EIF4G3: variants seen among roughly 807,000 people sequenced by gnomAD.
The protein encoded by EIF4G3 is eukaryotic translation initiation factor 4 gamma 3, also known as eIF-4-gamma 3.
In EIF4G3, 34 loss-of-function variants were observed where a neutral mutation model predicts 186.4. The observed-to-expected ratio is 0.18, with a 90% confidence interval of 0.14 to 0.24. EIF4G3 has a LOEUF of 0.24. EIF4G3 is among the 10% of genes least tolerant of loss of function. The probability of loss-of-function intolerance (pLI) is 1.00; values close to 1 mark genes in which losing one functional copy is unlikely to be tolerated. For synonymous variants in EIF4G3, 673 were observed against 679.5 expected (o/e 0.99, Z 0.15); for missense variants, 1,536 against 1,948.5 (o/e 0.79, Z 3.99).
intron 10 of EIF4G3, among the ~76,000 whole-genome samples, chr1:20,978,989 G>A (rs1356117936): frequency 6.6e-6 from 1 of 151,766 alleles, no homozygotes; most frequent in Non-Finnish European, 1.5e-5. Context: ...CCAATTTTAG[G>A]AAACTGGTTA....
In EIF4G3 at chr1:21,081,260, G is replaced by A. The variant is rs142520697; in HGVS notation, c.-196+7878C>T. 5.2e-3 allele frequency among the ~76,000 whole-genome samples: 785 copies of A among 152,140 alleles called. 7 individuals carry two copies. The highest frequency in any genetic ancestry group is 0.018 in the African/African-American group (742 of 41,526). On this transcript the variant is annotated intron_variant, in intron 3 of 36. Transcript: ENST00000602326. ...ATCATGGCCAACATGGTGAAACCCC[G>A]TCTCTACTAAAAATACAAAAAATTA...
chr1:20,827,621 T>A lies in EIF4G3; in HGVS notation c.4265A>T (p.Gln1422Leu). Residue 1422 changes from glutamine (Q) to leucine (L), a missense_variant, in exon 32 of 37, where the codon CAA becomes CTA. Around this residue, in one of 11 missense-constraint regions of EIF4G3, gnomAD observed 395 missense variants for 498.9 expected, o/e 0.79. Coordinates refer to ENST00000602326, the MANE Select transcript of EIF4G3 (RefSeq NM_001391906.1). The part of the protein sequence containing the change: ...LSEILHLLCK[Q>L]MSHKKVGALW... The stretch of plus-strand genomic sequence containing the variant: ...GACACTCAGTGTAACACTCACCATT[T>A]GTTTGCATAGTAGGTGCAATATTTC... 2.5e-6 allele frequency: 4 copies of A among 1,600,532 alleles called. No individual in the cohort carries two copies. The highest frequency in any genetic ancestry group is 3.4e-6 in the Non-Finnish European group (4 of 1,168,202).
At chr1:20,886,490 G>A (rs2084196247) in intron 18 of EIF4G3, 119 bp from the exon 19 acceptor site, 11 of 882,714 alleles carry the variant, frequency 1.2e-5, no homozygotes, top group Non-Finnish European at 1.8e-5. Flanking sequence ...TGGGTACTAG[G>A]TACTCAAACT....
chr1:21,106,458 CAAG>C (rs1476550211), intron 2 of EIF4G3, among the ~76,000 whole-genome samples: 2 of 151,896 alleles, frequency 1.3e-5, no homozygotes, highest in African/African-American at 4.8e-5. Context: ...AAGGAATAAC[CAAG>C]AATAGTTTAC....
Position 21,173,075 on chromosome 1 carries a change from GT to G in EIF4G3, c.-272+3099del, listed in dbSNP as rs528373497. Among the ~76,000 whole-genome samples, 349 of 134,698 alleles carry G rather than the reference GT, an allele frequency of 2.6e-3. 2 individuals are homozygous for G. Among genetic ancestry groups the G allele is most frequent in the Admixed American group, 6.9e-3 (84 of 12,182 alleles). 88.4% of individuals were successfully genotyped at this position (134,698 alleles called of 152,430 possible). A position where few individuals can be genotyped will look rare whatever the true frequency, so the allele number is the denominator to read the frequency against. On this transcript the variant is annotated intron_variant, in intron 2 of 36. Transcript: ENST00000602326. The stretch of plus-strand genomic sequence containing the variant: ...AATCGTTTGAACCCAAGAGGCGGAG[GT>G]TGCAGTGAGCCAAGATCATGCCACT...
At chr1:20,938,799 T>G (rs1346315994) in intron 14 of EIF4G3, among the ~76,000 whole-genome samples, 13 of 152,160 alleles carry the variant, frequency 8.5e-5, no homozygotes, top group Admixed American at 8.5e-4. Flanking sequence ...CAGAAATGCT[T>G]CTGAGGCTTT....
At chr1:21,001,068 C>T (rs2083409036) in intron 6 of EIF4G3, 131 bp downstream of exon 6, 1 of 391,542 alleles carries the variant, frequency 2.6e-6, no homozygotes, top group Non-Finnish European at 5.3e-6. Context: ...AACTGCCATG[C>T]TAGGTTAGAC....
At chr1:20,812,443 C>T (rs1415230533) in intron 35 of EIF4G3, among the ~76,000 whole-genome samples, 1 of 152,188 alleles carries the variant, frequency 6.6e-6, no homozygotes, top group African/African-American at 2.4e-5. Context: ...TCTTAAATTA[C>T]AATTCTGAAG....
intron 20 of EIF4G3, among the ~76,000 whole-genome samples, chr1:20,871,433 C>T (rs2079166368): frequency 6.6e-6 from 1 of 152,122 alleles, no homozygotes; most frequent in South Asian, 2.1e-4. Flanking sequence ...CCAGACACTG[C>T]CAAATGTCCT....
intron 2 of EIF4G3, among the ~76,000 whole-genome samples, chr1:21,147,035 G>A (rs982651578): frequency 5.3e-5 from 8 of 151,774 alleles, no homozygotes; most frequent in African/African-American, 1.9e-4. Flanking sequence ...GGCTGAGGCG[G>A]GCAGATCACG....
chr1:21,029,463 G>GT (rs887833410), intron 4 of EIF4G3, among the ~76,000 whole-genome samples: 10 of 151,768 alleles, frequency 6.6e-5, no homozygotes, highest in African/African-American at 2.4e-4. Flanking sequence ...GAGAAATTGA[G>GT]TCGGGGGGGG....
At chr1:20,830,998 C>T (rs988278593) in intron 30 of EIF4G3, among the ~76,000 whole-genome samples, 2 of 152,152 alleles carry the variant, frequency 1.3e-5, no homozygotes, top group African/African-American at 2.4e-5. Flanking sequence ...TTGCACCACA[C>T]GTTATTTTCT....
rs1212295908 is a variant in EIF4G3 at position 20,941,866 on chromosome 1, C to T, written c.1288G>A (p.Glu430Lys). The T allele has an allele frequency of 1.9e-6, 3 of 1,614,048 alleles. No individual in the cohort carries two copies. The African/African-American group carries it at 4.0e-5, about 22-fold the overall frequency. The change falls in exon 14 of 37, where the codon GAA (glutamate) becomes AAA (lysine). Residue 430 changes from glutamate to lysine, a missense_variant. Transcript: ENST00000602326. ...EKLSATESIV[E>K]IVKQEVLPLT... ...GGCAATACTTCCTGTTTTACTATTT[C>T]CACAATGCTCTCCGTGGCTGATAAT... is the stretch of plus-strand genomic sequence containing the variant.
rs113794848 is a variant in EIF4G3 at position 21,167,561 on chromosome 1, C to T, written c.-272+8614G>A. ...AAGGCCAAGGTCAGGAGTTCAAGACCAGCCAGGCCAATATGGTGAAACCCT... is the reference window on the plus strand; with the variant it reads ...AAGGCCAAGGTCAGGAGTTCAAGACTAGCCAGGCCAATATGGTGAAACCCT... On this transcript the variant is annotated intron_variant, in intron 2 of 36. Transcript: ENST00000602326. Among the ~76,000 whole-genome samples, 227 of 152,240 alleles carry T rather than the reference C, an allele frequency of 1.5e-3. 1 individual carries two copies. The highest frequency in any genetic ancestry group is 5.3e-3 in the African/African-American group (219 of 41,550).
At chr1:21,019,976 C>G (rs144135391) in intron 4 of EIF4G3, among the ~76,000 whole-genome samples, 2 of 152,206 alleles carry the variant, frequency 1.3e-5, no homozygotes, top group Non-Finnish European at 2.9e-5. Flanking sequence ...TCCTCTACTA[C>G]AGGAAAACAT....
chr1:20,967,402 T>C (rs780607522), intron 12 of EIF4G3, among the ~76,000 whole-genome samples: 22 of 152,204 alleles, frequency 1.4e-4, no homozygotes, highest in Non-Finnish European at 2.6e-4. Context: ...AGAGCACATA[T>C]ATAGATTACT....
Position 20,807,322 on chromosome 1 carries a change from G to A in EIF4G3, c.4923C>T (p.Asn1641=), listed in dbSNP as rs1227127573. The A allele has an allele frequency of 7.0e-6, 11 of 1,570,516 alleles. No homozygotes were observed. Among genetic ancestry groups the A allele is most frequent in the Admixed American group, 5.7e-5 (3 of 52,268 alleles). The part of the protein sequence containing the change: ...LREAEEESED[N] ...TTCATTTTGTGTATTTGAAGTTTTA[G>A]TTATCCTCAGACTCCTCTTCTGCTT... The change falls in exon 37 of 37, where the codon AAC becomes AAT. Residue 1641 remains asparagine (N), a synonymous_variant. Coordinates refer to ENST00000602326, the MANE Select transcript of EIF4G3 (RefSeq NM_001391906.1).
chr1:21,173,308 T>G (rs1475006127), intron 2 of EIF4G3, among the ~76,000 whole-genome samples: 1 of 151,836 alleles, frequency 6.6e-6, no homozygotes, highest in Non-Finnish European at 1.5e-5. Context: ...GCGATTCTCC[T>G]GCCTTGGCCT....
intron 3 of EIF4G3, among the ~76,000 whole-genome samples, chr1:21,063,716 G>A (rs865889024): frequency 0.017 from 119 of 7,140 alleles, 4 homozygotes; most frequent in African/African-American, 0.036. Flanking sequence ...GGGGGGGGGG[G>A]TGTTGGGGGG....
Sources: allele counts gnomAD v4.1 joint callset (sites outside exome capture counted in the v4.1 genomes callset), GRCh38; gene constraint gnomAD v4.1.1; regional missense constraint gnomAD v4.1.1; transcripts MANE v1.5; gene names NCBI Gene and HGNC (gene_info 2026-07-23, HGNC 2026-07-21).